NR2F1-AS1: variants seen among roughly 807,000 people sequenced by gnomAD.
NR2F1-AS1 encodes the protein NR2F1 antisense RNA 1.
At chr5:93,432,892 A>G (rs911976374) in intron 4 of NR2F1-AS1, among the ~76,000 whole-genome samples, 3 of 152,200 alleles carry the variant, frequency 2.0e-5, no homozygotes, top group Non-Finnish European at 2.9e-5. Flanking sequence ...TTATAACAGT[A>G]TATCACATTT....
rs560175048 is a variant in NR2F1-AS1 at position 93,463,338 on chromosome 5, T to G, written n.639-67796A>C. 1.3e-4 allele frequency among the ~76,000 whole-genome samples: 20 copies of G among 152,310 alleles called. No homozygotes were observed. In the South Asian group the frequency reaches 4.1e-3, roughly 32 times the overall value. On this transcript the variant is annotated intron_variant and non_coding_transcript_variant, in intron 4 of 5. Transcript: ENST00000660523. ...GTACACAGAAGTAAAGAACTGAGGT[T>G]TGGAAACCTTCACCTAGATTTCAGA...
chr5:93,456,803 G>T (rs190872838), intron 4 of NR2F1-AS1, among the ~76,000 whole-genome samples: 1 of 152,072 alleles, frequency 6.6e-6, no homozygotes, highest in African/African-American at 2.4e-5. Context: ...GGGACAACAG[G>T]GAGACAATGG....
upstream of NR2F1-AS1, chr5:93,583,245 C>T (rs1753155734): frequency 6.6e-6 from 1 of 152,038 alleles, no homozygotes; most frequent in Admixed American, 6.6e-5. Flanking sequence ...TGCGAGTCCT[C>T]CCGTTTAAAC....
rs61506802 is a variant in NR2F1-AS1, at chr5:93,507,369, TGTTTG to T, written n.638+46387_638+46391del. 5.2e-4 allele frequency among the ~76,000 whole-genome samples: 64 copies of T among 123,782 alleles called. No individual in the cohort carries two copies. In the East Asian group the frequency reaches 0.013, roughly 25 times the overall value. 81.2% of individuals were successfully genotyped at this position (123,782 alleles called of 152,430 possible). ...TGTTTTGTTTTGTTTTGTTTTGTTT[TGTTTG>T]GAGACGAAGTCTCGCTCTTGTTGCC... is the stretch of plus-strand genomic sequence containing the variant. On this transcript the variant is annotated intron_variant and non_coding_transcript_variant, in intron 4 of 5. Coordinates refer to ENST00000660523, the Ensembl canonical transcript of NR2F1-AS1.
chr5:93,445,164 T>C (rs923415107), intron 4 of NR2F1-AS1, among the ~76,000 whole-genome samples: 20 of 152,168 alleles, frequency 1.3e-4, no homozygotes, highest in African/African-American at 4.8e-4. Context: ...AGCAAACACA[T>C]TCAAAAGCTA....
At chr5:93,533,997 C>T (rs1003769092) in intron 4 of NR2F1-AS1, among the ~76,000 whole-genome samples, 4 of 152,094 alleles carry the variant, frequency 2.6e-5, no homozygotes, top group African/African-American at 9.7e-5. Context: ...GCACGAGAAT[C>T]CCTTGAACCC....
chr5:93,505,480 C>G (rs1171413502), intron 4 of NR2F1-AS1, among the ~76,000 whole-genome samples: 1 of 152,190 alleles, frequency 6.6e-6, no homozygotes, highest in Admixed American at 6.5e-5. Context: ...TGCACTGCCC[C>G]AGCAGAGGTT....
At chr5:93,538,788 T>G (rs1163933129) in intron 4 of NR2F1-AS1, among the ~76,000 whole-genome samples, 1 of 152,194 alleles carries the variant, frequency 6.6e-6, no homozygotes, top group Non-Finnish European at 1.5e-5. Context: ...GTATTAGAAA[T>G]GTGGGTCTTT....
intron 4 of NR2F1-AS1, among the ~76,000 whole-genome samples, chr5:93,453,633 T>A (rs1322318496): frequency 2.0e-5 from 3 of 151,874 alleles, no homozygotes; most frequent in Admixed American, 6.6e-5. Flanking sequence ...TGCAGAAGAA[T>A]AAAATCAAGA....
chr5:93,436,579 A>G (rs114123048), intron 4 of NR2F1-AS1, among the ~76,000 whole-genome samples: 5 of 152,162 alleles, frequency 3.3e-5, no homozygotes, highest in Admixed American at 1.3e-4. Context: ...TATTGAGGGC[A>G]CTAGGATGGC....
chr5:93,433,352 A>T (rs1244405794), intron 4 of NR2F1-AS1, among the ~76,000 whole-genome samples: 1 of 152,152 alleles, frequency 6.6e-6, no homozygotes, highest in African/African-American at 2.4e-5. Flanking sequence ...GTAGTTCCAC[A>T]TTGTTTTCTA....
At chr5:93,461,263 A>G (rs1305548717) in intron 4 of NR2F1-AS1, among the ~76,000 whole-genome samples, 1 of 152,224 alleles carries the variant, frequency 6.6e-6, no homozygotes, top group Non-Finnish European at 1.5e-5. Flanking sequence ...GTTCTCACTT[A>G]TAAGTGGGAG....
intron 4 of NR2F1-AS1, among the ~76,000 whole-genome samples, chr5:93,474,305 G>C (rs1398486715): frequency 6.6e-6 from 1 of 152,168 alleles, no homozygotes; most frequent in Admixed American, 6.5e-5. Context: ...ACTTGTCACA[G>C]TTACTTGCTC....
At chr5:93,496,756 T>G (rs533576395) in intron 4 of NR2F1-AS1, among the ~76,000 whole-genome samples, 3 of 152,188 alleles carry the variant, frequency 2.0e-5, no homozygotes, top group African/African-American at 7.2e-5. Context: ...GATATTCATA[T>G]TTGGTATCTC....
intron 1 of NR2F1-AS1, among the ~76,000 whole-genome samples, chr5:93,578,516 C>T (rs1752947494): frequency 6.6e-6 from 1 of 152,090 alleles, no homozygotes; most frequent in African/African-American, 2.4e-5. Flanking sequence ...CTTACAGTTC[C>T]CAGACCCGCC....
At chr5:93,520,304 C>T (rs1162668877) in intron 4 of NR2F1-AS1, among the ~76,000 whole-genome samples, 5 of 151,964 alleles carry the variant, frequency 3.3e-5, no homozygotes, top group Non-Finnish European at 7.4e-5. Context: ...ATGAACACTT[C>T]CATATTGTGC....
chr5:93,446,837 A>G (rs1222971011), intron 4 of NR2F1-AS1, among the ~76,000 whole-genome samples: 1 of 152,170 alleles, frequency 6.6e-6, no homozygotes, highest in Non-Finnish European at 1.5e-5. Context: ...ACAGCATGGT[A>G]CTGGTACCAA....
chr5:93,527,076 A>G (rs1387648742), intron 4 of NR2F1-AS1, among the ~76,000 whole-genome samples: 2 of 152,232 alleles, frequency 1.3e-5, no homozygotes, highest in African/African-American at 4.8e-5. Context: ...TGCAGATGAC[A>G]TGACTGTATA....
At chr5:93,471,826 A>G (rs2149870556) in intron 4 of NR2F1-AS1, among the ~76,000 whole-genome samples, 1 of 152,034 alleles carries the variant, frequency 6.6e-6, no homozygotes, top group Non-Finnish European at 1.5e-5. Flanking sequence ...GTTAATAATT[A>G]TCAATAATCA....
Sources: allele counts gnomAD v4.1 joint callset (sites outside exome capture counted in the v4.1 genomes callset), GRCh38; gene constraint gnomAD v4.1.1; transcripts MANE v1.5; gene names NCBI Gene and HGNC (gene_info 2026-07-23, HGNC 2026-07-21).